KAZN: variants seen among roughly 807,000 people sequenced by gnomAD.
The protein encoded by KAZN is kazrin.
A neutral mutation model predicts 87.4 loss-of-function variants in KAZN; 40 were observed. The observed-to-expected ratio is 0.46, with a 90% confidence interval of 0.36 to 0.60. The LOEUF (loss-of-function observed/expected upper bound fraction) is 0.60. KAZN is among the 20% of genes least tolerant of loss of function. The pLI, the probability that KAZN is intolerant of heterozygous loss-of-function variation, is 0.00. For synonymous variants in KAZN, 466 were observed against 458.3 expected (o/e 1.02, Z -0.22); for missense variants, 898 against 1,073.9 (o/e 0.84, Z 2.29).
intron 1 of KAZN, among the ~76,000 whole-genome samples, chr1:14,841,385 G>A (rs947052753): frequency 1.6e-5 from 2 of 121,218 alleles, no homozygotes; most frequent in South Asian, 5.2e-4. Context: ...CAGCCTGGGC[G>A]ACAGAGCAAG....
chr1:14,193,368 G>A (rs567104948), intron 2 of KAZN, among the ~76,000 whole-genome samples: 4 of 152,306 alleles, frequency 2.6e-5, no homozygotes, highest in Middle Eastern at 6.8e-3. Context: ...GTGAAGACAC[G>A]TCTTGGAGAG....
At chr1:14,687,354 A>C (rs1641012729) in intron 1 of KAZN, among the ~76,000 whole-genome samples, 1 of 152,204 alleles carries the variant, frequency 6.6e-6, no homozygotes, top group South Asian at 2.1e-4. Context: ...AGCATTGGTC[A>C]GTGCAATGAG....
chr1:14,251,004 A>C (rs1359054036), intron 2 of KAZN, among the ~76,000 whole-genome samples: 1 of 152,176 alleles, frequency 6.6e-6, no homozygotes, highest in East Asian at 1.9e-4. Flanking sequence ...CAACAACAAC[A>C]AAAAACATGT....
At chr1:14,985,534 A>G (rs1031588288) in intron 2 of KAZN, among the ~76,000 whole-genome samples, 1 of 151,946 alleles carries the variant, frequency 6.6e-6, no homozygotes, top group Non-Finnish European at 1.5e-5. Context: ...TGCCTCAAAA[A>G]TAAATAAATA....
In KAZN at chr1:14,585,524, G is replaced by A. The variant is rs148726082; in HGVS notation, c.250-13459G>A. ...TCCCACGCAGGATCACAGAGCAGAG[G>A]AGGCCAAGCCAAAGAGTGTGAACAC... On this transcript the variant is annotated intron_variant, in intron 2 of 16. Coordinates refer to the KAZN transcript ENST00000636203. Among the ~76,000 whole-genome samples the A allele has an allele frequency of 9.0e-4, 137 of 152,294 alleles. 1 individual carries two copies. The highest frequency in any genetic ancestry group is 3.9e-3 in the East Asian group (20 of 5,176).
intron 1 of KAZN, among the ~76,000 whole-genome samples, chr1:13,894,017 G>T (rs148532193): frequency 6.6e-6 from 1 of 152,166 alleles, no homozygotes; most frequent in East Asian, 1.9e-4. Flanking sequence ...TTTGTCCTTC[G>T]TCATCGATTT....
rs573318775 is a variant in KAZN, at chr1:14,445,924, C to G, written c.250-153059C>G. On this transcript the variant is annotated intron_variant, in intron 2 of 16. Transcript: ENST00000636203. ...AGTATGAAGCGGTTGAGGCTGGGCA[C>G]AGTGGCTCAAGCCTGTAACCCTGCA... is the stretch of plus-strand genomic sequence containing the variant. Among the ~76,000 whole-genome samples the G allele has an allele frequency of 8.6e-5, 13 of 151,894 alleles. No homozygotes were observed. In the South Asian group the frequency reaches 2.7e-3, roughly 32 times the overall value.
At chr1:14,536,479 A>C (rs1327594754) in intron 2 of KAZN, among the ~76,000 whole-genome samples, 14 of 152,206 alleles carry the variant, frequency 9.2e-5, no homozygotes, top group Admixed American at 5.2e-4. Flanking sequence ...CTGGAGTCAC[A>C]GGTGGTGGCT....
At chr1:15,067,241 G>A in intron 8 of KAZN, 1 of 985,522 alleles carries the variant, frequency 1.0e-6, no homozygotes, top group East Asian at 1.1e-4. Context: ...TCCCCATTCT[G>A]GTTGGTTCCA....
At position 14,516,125 on chromosome 1, in the gene KAZN, C is replaced by G. The variant is rs144859759; in HGVS notation, c.250-82858C>G. On this transcript the variant is annotated intron_variant, in intron 2 of 16. Transcript: ENST00000636203. ...CAGGTGTTTCGCTTGAGCAGCAAGT[C>G]GAACGTAAATTAACTGAAAAACAGC... Among the ~76,000 whole-genome samples, 46 of 152,286 alleles carry G rather than the reference C, an allele frequency of 3.0e-4. No homozygotes were observed. The East Asian group carries it at 8.5e-3, about 28-fold the overall frequency.
At chr1:15,048,425 T>TGA (rs1161667947) in intron 4 of KAZN, among the ~76,000 whole-genome samples, 2 of 151,144 alleles carry the variant, frequency 1.3e-5, no homozygotes, top group East Asian at 3.9e-4. Context: ...TGTGTGTATG[T>TGA]GTGTGTGTGT....
chr1:14,977,967 C>T (rs1054984200), intron 2 of KAZN, among the ~76,000 whole-genome samples: 31 of 147,770 alleles, frequency 2.1e-4, no homozygotes, highest in Middle Eastern at 3.6e-3. Context: ...GATCTCGGCT[C>T]ACTGCACCTC....
intron 2 of KAZN, chr1:14,180,670 G>A (rs1051858119): frequency 8.3e-7 from 1 of 1,204,514 alleles, no homozygotes; most frequent in Non-Finnish European, 1.2e-6. Flanking sequence ...GTCCAAAAAT[G>A]TTCAACTACC....
intron 1 of KAZN, among the ~76,000 whole-genome samples, chr1:13,970,664 T>G (rs1642105523): frequency 6.6e-6 from 1 of 152,218 alleles, no homozygotes; most frequent in South Asian, 2.1e-4. Flanking sequence ...AGAATTCTAT[T>G]TTTCTTGACC....
At chr1:14,201,227 T>C (rs1209992586) in intron 2 of KAZN, among the ~76,000 whole-genome samples, 2 of 152,220 alleles carry the variant, frequency 1.3e-5, no homozygotes, top group Non-Finnish European at 2.9e-5. Context: ...TAGCTAAACC[T>C]CTCGTCTTTC....
intron 6 of KAZN, chr1:15,060,588 C>T (rs1638710818): frequency 2.3e-6 from 1 of 441,256 alleles, no homozygotes; most frequent in Non-Finnish European, 4.2e-6. Flanking sequence ...CCCAGTGGGC[C>T]CTGTCTGGGA....
intron 1 of KAZN, among the ~76,000 whole-genome samples, chr1:14,702,336 G>GTGTA (rs1553213037): frequency 6.7e-6 from 1 of 149,904 alleles, no homozygotes; most frequent in Non-Finnish European, 1.5e-5. Flanking sequence ...CTGTGTGTGT[G>GTGTA]TGTGTGTGTG....
intron 1 of KAZN, among the ~76,000 whole-genome samples, chr1:14,007,218 C>G (rs1012402303): frequency 2.6e-5 from 4 of 152,052 alleles, no homozygotes; most frequent in African/African-American, 9.7e-5. Flanking sequence ...TTAATTAGTT[C>G]TAAAGTTCTT....
At chr1:14,572,293 A>G (rs1674919149) in intron 2 of KAZN, among the ~76,000 whole-genome samples, 1 of 152,212 alleles carries the variant, frequency 6.6e-6, no homozygotes, top group Non-Finnish European at 1.5e-5. Context: ...ACGGCATTGT[A>G]CAAAGGCTGT....
Sources: allele counts gnomAD v4.1 joint callset (sites outside exome capture counted in the v4.1 genomes callset), GRCh38; gene constraint gnomAD v4.1.1; transcripts MANE v1.5; gene names NCBI Gene and HGNC (gene_info 2026-07-23, HGNC 2026-07-21).